VENTX: variants seen among roughly 807,000 people sequenced by gnomAD.
VENTX encodes VENT homeobox, also known as homeobox protein VENTX.
In VENTX, 13 loss-of-function variants were observed where a neutral mutation model predicts 10.5. The ratio of observed to expected loss-of-function variants is 1.23; its 90% CI spans 0.80 to 1.96. The LOEUF is 1.96. Among genes scored for constraint, VENTX ranks in the 30% most tolerant of loss-of-function variants. The pLI is 0.00. For missense variants in VENTX, 400 were observed against 341.8 expected (o/e 1.17, Z -1.34); for synonymous variants, 177 against 150.4 (o/e 1.18, Z -1.29).
chr10:133,237,877 A>G lies in VENTX; in HGVS notation c.-38A>G. 1 of 1,535,308 alleles carries G rather than the reference A, an allele frequency of 6.5e-7. No homozygotes were observed. Among genetic ancestry groups the G allele is most frequent in the Non-Finnish European group, 8.7e-7 (1 of 1,146,856 alleles). On this transcript the variant is annotated 5_prime_UTR_variant, in exon 1 of 3. Transcript: ENST00000325980. The stretch of plus-strand genomic sequence containing the variant: ...CCCGAGGTGGATCCTGCGCCTGGCC[A>G]GCCCCGCCTGGCCTTCCCTCCGGCC...
At position 133,239,775 on chromosome 10, in the gene VENTX, A is replaced by G. The variant is rs531737533; in HGVS notation, c.341A>G (p.Gln114Arg). 3 of 1,609,030 alleles carry G rather than the reference A, an allele frequency of 1.9e-6. No homozygotes were observed. The highest frequency in any genetic ancestry group is 1.7e-5 in the Admixed American group (1 of 59,826). Residue 114 changes from glutamine (Q) to arginine (R), a missense_variant, in exon 2 of 3, where the codon CAG (glutamine) becomes CGG (arginine). By Grantham distance (43) the Gln-to-Arg change is conservative (BLOSUM62 1). Transcript: ENST00000325980. ...RTLEGVFQHH[Q>R]YLSPLERKRL... is the part of the protein sequence containing the mutation. ...TTGGAGGGCGTCTTCCAGCACCACC[A>G]GTACCTGAGCCCTCTGGAGCGGAAG...
chr10:133,238,543 G>GC (rs1845885885), intron 1 of VENTX, among the ~76,000 whole-genome samples: 2 of 124,366 alleles, frequency 1.6e-5, no homozygotes, highest in African/African-American at 3.1e-5. Flanking sequence ...CCCCGCCCCC[G>GC]CCCCCCAGCA....
Position 133,237,948 on chromosome 10 carries a change from C to T in VENTX, c.34C>T (p.Gln12Ter). 6.3e-7 allele frequency: 1 copy of T among 1,597,664 alleles called. No individual in the cohort carries two copies. Among genetic ancestry groups the T allele is most frequent in the Non-Finnish European group, 8.5e-7 (1 of 1,177,364 alleles). ...RLSSSPPRGP[Q>*]QLSSFGSVDW... is the part of the protein sequence containing the mutation. ...CTCCTCCTCCCCACCTCGTGGCCCG[C>T]AGCAGCTCTCCAGCTTTGGCTCCGT... The change falls in exon 1 of 3, where the codon CAG becomes TAG. Residue 12 changes from glutamine (Q) to a stop codon, truncating the protein, a stop_gained. Coordinates refer to ENST00000325980, the MANE Select transcript of VENTX (RefSeq NM_014468.4). LOFTEE classifies it high-confidence loss of function.
Position 133,240,756 on chromosome 10 carries a change from G to T in VENTX, c.*450G>T, listed in dbSNP as rs1286062858. Reference sequence around the variant, plus strand: ...AATGGGGTTTCACCATGTTAGCCAGGCTGGTCTCAAACTCCTGACCCTGTG... The same window carrying T: ...AATGGGGTTTCACCATGTTAGCCAGTCTGGTCTCAAACTCCTGACCCTGTG... On this transcript the variant is annotated 3_prime_UTR_variant, in exon 3 of 3. Coordinates refer to ENST00000325980, the MANE Select transcript of VENTX (RefSeq NM_014468.4). 2.6e-5 allele frequency: 4 copies of T among 151,790 alleles called. No homozygotes were observed. In the South Asian group the frequency reaches 6.3e-4, roughly 24 times the overall value. 9.4% of individuals were successfully genotyped at this position (151,790 alleles called of 1,614,324 possible).
rs1845904048 is a variant in VENTX at position 133,239,767 on chromosome 10, GCAC to G, written c.339_341del (p.His113del). The G allele has an allele frequency of 5.6e-6, 9 of 1,608,720 alleles. No homozygotes were observed. Among genetic ancestry groups the G allele is most frequent in the East Asian group, 4.5e-5 (2 of 44,684 alleles). ...TCCGCACCTTGGAGGGCGTCTTCCA[GCAC>G]CACCAGTACCTGAGCCCTCTGGAGC... On this transcript the variant is annotated inframe_deletion, in exon 2 of 3. Coordinates refer to ENST00000325980, the MANE Select transcript of VENTX (RefSeq NM_014468.4).
At chr10:133,239,550 C>T in intron 1 of VENTX, 126 bp from the exon 2 acceptor site, 1 of 1,182,628 alleles carries the variant, frequency 8.5e-7, no homozygotes, top group Non-Finnish European at 1.2e-6. Flanking sequence ...TGCTGCTGGT[C>T]ACTGTCAGGT....
rs1845876953 is a variant in VENTX, at chr10:133,238,117, G to C, written c.203G>C (p.Gly68Ala). ...GCCGTCAGCATCAAGGAGGCCGCCG[G>C]GTCCTCAAATCTGCCTGCGCCGGAG... ...PQAVSIKEAA[G>A]SSNLPAPERT... Residue 68 changes from glycine to alanine, a missense_variant, in exon 1 of 3, where the codon GGG becomes GCG. Transcript: ENST00000325980. The C allele has an allele frequency of 6.2e-7, 1 of 1,603,976 alleles. No homozygotes were observed. The highest frequency in any genetic ancestry group is 8.5e-7 in the Non-Finnish European group (1 of 1,176,614).
rs778009883 is a variant in VENTX at position 133,239,813 on chromosome 10, G to A, written c.379G>A (p.Glu127Lys). Reference sequence around the variant, plus strand: ...TCTGGAGCGGAAGAGGCTGGCCAGGGAGATGCAGCTCTCAGAGGTCCAGGT... The same window carrying A: ...TCTGGAGCGGAAGAGGCTGGCCAGGAAGATGCAGCTCTCAGAGGTCCAGGT... ...SPLERKRLAR[E>K]MQLSEVQIKT... The change falls in exon 2 of 3, where the codon GAG becomes AAG. Residue 127 changes from glutamate to lysine, a missense_variant. By Grantham distance (56) the Glu-to-Lys change is moderately conservative. Coordinates refer to ENST00000325980, the MANE Select transcript of VENTX (RefSeq NM_014468.4). 2 of 1,563,960 alleles carry A rather than the reference G, an allele frequency of 1.3e-6. No homozygotes were observed. The highest frequency in any genetic ancestry group is 2.2e-5 in the South Asian group (2 of 90,184).
rs1845917014 is a variant in VENTX at position 133,240,366 on chromosome 10, A to G, written c.*60A>G. ...CTGATCGCACCTGGCTCCTACCTGG[A>G]GGACTCAGTTGTTCTGTTTACATCC... On this transcript the variant is annotated 3_prime_UTR_variant, in exon 3 of 3. Transcript: ENST00000325980. 6.6e-7 allele frequency: 1 copy of G among 1,511,332 alleles called. No homozygotes were observed. 93.6% of individuals were successfully genotyped at this position (1,511,332 alleles called of 1,614,324 possible).
At chr10:133,238,646 G>T (rs1200358686) in intron 1 of VENTX, among the ~76,000 whole-genome samples, 4 of 152,192 alleles carry the variant, frequency 2.6e-5, no homozygotes, top group Admixed American at 2.0e-4. Context: ...CGCTGCAGGG[G>T]TGGCGGTGAC....
Position 133,238,105 on chromosome 10 carries a change from A to G in VENTX, c.191A>G (p.Lys64Arg), listed in dbSNP as rs1282021976. Reference sequence around the variant, plus strand: ...GAGCCCCCTCAGGCCGTCAGCATCAAGGAGGCCGCCGGGTCCTCAAATCTG... The same window carrying G: ...GAGCCCCCTCAGGCCGTCAGCATCAGGGAGGCCGCCGGGTCCTCAAATCTG... Reference protein sequence around the residue: ...AREPPQAVSIKEAAGSSNLPA... With the variant: ...AREPPQAVSIREAAGSSNLPA... Residue 64 changes from lysine (K) to arginine (R), a missense_variant, in exon 1 of 3, where the codon AAG (lysine) becomes AGG (arginine). Coordinates refer to ENST00000325980, the MANE Select transcript of VENTX (RefSeq NM_014468.4). 7 of 1,602,762 alleles carry G rather than the reference A, an allele frequency of 4.4e-6. No individual in the cohort carries two copies. Among genetic ancestry groups the G allele is most frequent in the Non-Finnish European group, 6.0e-6 (7 of 1,176,200 alleles).
In VENTX at chr10:133,239,526, G is replaced by T. The variant is rs75766803; in HGVS notation, c.242-150G>T. 3,099 of 895,568 alleles carry T rather than the reference G, an allele frequency of 3.5e-3. 3 individuals are homozygous for T. The highest frequency in any genetic ancestry group is 4.8e-3 in the Non-Finnish European group (2,844 of 597,306). The allele number at this position is 895,568 out of a possible 1,614,324, so 55.5% of individuals were successfully genotyped here. ...GAGCCCCCTTTCCGCATGTGACCTG[G>T]GAGGCGGCGGGGGTGCTGCTGGTCA... is the stretch of plus-strand genomic sequence containing the variant. On this transcript the variant is annotated intron_variant, in intron 1 of 2. Coordinates refer to ENST00000325980, the MANE Select transcript of VENTX (RefSeq NM_014468.4).
chr10:133,238,572 C>T (rs1409033693), intron 1 of VENTX, among the ~76,000 whole-genome samples: 1 of 151,844 alleles, frequency 6.6e-6, no homozygotes, highest in Non-Finnish European at 1.5e-5. Flanking sequence ...GCCTGCTCAG[C>T]GTCTAGGCTC....
Position 133,240,957 on chromosome 10 carries a change from G to A in VENTX, c.*651G>A, listed in dbSNP as rs1447758203. ...CAAATGCAGAAGTGGGCTTGTCATG[G>A]GTAGGGCTTTCGGCGTACGATAAAA... On this transcript the variant is annotated 3_prime_UTR_variant, in exon 3 of 3. Transcript: ENST00000325980. 2 of 152,176 alleles carry A rather than the reference G, an allele frequency of 1.3e-5. No individual in the cohort carries two copies. The highest frequency in any genetic ancestry group is 4.8e-5 in the African/African-American group (2 of 41,436). 9.4% of individuals were successfully genotyped at this position (152,176 alleles called of 1,614,324 possible).
At chr10:133,239,350 C>T (rs919355095) in intron 1 of VENTX, among the ~76,000 whole-genome samples, 1 of 152,234 alleles carries the variant, frequency 6.6e-6, no homozygotes, top group African/African-American at 2.4e-5. Flanking sequence ...ATAATGGATT[C>T]TTACCTTACC....
At chr10:133,239,646 T>A (rs1458505064) in intron 1 of VENTX, 30 bp from the exon 2 acceptor site, 1 of 1,609,054 alleles carries the variant, frequency 6.2e-7, no homozygotes, top group Non-Finnish European at 8.5e-7. Context: ...GGTGGCATGT[T>A]GAGCCAAATG....
Position 133,239,831 on chromosome 10 carries a change from G to A in VENTX, c.397G>A (p.Val133Ile), listed in dbSNP as rs1845906426. The A allele has an allele frequency of 1.2e-6, 2 of 1,609,536 alleles. No homozygotes were observed. The highest frequency in any genetic ancestry group is 1.3e-5 in the African/African-American group (1 of 74,604). Reference sequence around the variant, plus strand: ...GGCCAGGGAGATGCAGCTCTCAGAGGTCCAGGTGAGGTGGGCCGGGCAGGC... The same window carrying A: ...GGCCAGGGAGATGCAGCTCTCAGAGATCCAGGTGAGGTGGGCCGGGCAGGC... ...RLAREMQLSE[V>I]QIKTWFQNRR... Residue 133 changes from valine to isoleucine, a missense_variant, in exon 2 of 3, where the codon GTC (valine) becomes ATC (isoleucine). Transcript: ENST00000325980.
In VENTX at chr10:133,240,055, C is replaced by T. The variant is rs1845910985; in HGVS notation, c.526C>T (p.Leu176Phe). Residue 176 changes from leucine to phenylalanine, a missense_variant, in exon 3 of 3, where the codon CTT becomes TTT. Transcript: ENST00000325980. ...AGCTTTCTACTCAACGTCTTCTGGC[C>T]TTGCCAATGGCCTGCAGCTGCTGTG... ...PPAFYSTSSG[L>F]ANGLQLLCPW... The T allele has an allele frequency of 6.2e-7, 1 of 1,611,888 alleles. No individual in the cohort carries two copies. The highest frequency in any genetic ancestry group is 2.2e-5 in the East Asian group (1 of 44,894).
At position 133,240,397 on chromosome 10, in the gene VENTX, G is replaced by A; in HGVS notation, c.*91G>A. The A allele has an allele frequency of 6.9e-7, 1 of 1,451,590 alleles. No individual in the cohort carries two copies. Among genetic ancestry groups the A allele is most frequent in the South Asian group, 1.5e-5 (1 of 68,636 alleles). The allele number at this position is 1,451,590 out of a possible 1,614,324, so 89.9% of individuals were successfully genotyped here. On this transcript the variant is annotated 3_prime_UTR_variant, in exon 3 of 3. Coordinates refer to ENST00000325980, the MANE Select transcript of VENTX (RefSeq NM_014468.4). The stretch of plus-strand genomic sequence containing the variant: ...CAGTTGTTCTGTTTACATCCTGGTG[G>A]CACCTCTCACCCTGACCCACACAAA...
Sources: gnomAD v4.1 joint callset for allele counts (sites outside exome capture counted in the v4.1 genomes callset) on GRCh38, gnomAD v4.1.1 for gene constraint, MANE v1.5 for transcripts, NCBI Gene and HGNC (gene_info 2026-07-23, HGNC 2026-07-21) for gene names.